SLC4A8: variants seen among roughly 807,000 people sequenced by gnomAD.
SLC4A8 encodes the protein solute carrier family 4 member 8.
In SLC4A8, 40 loss-of-function variants were observed where a neutral mutation model predicts 125.0. The observed-to-expected ratio is 0.32, with a 90% CI of 0.25 to 0.42. The LOEUF is 0.42. Ranked by LOEUF, SLC4A8 falls within the 10% of genes least tolerant of loss-of-function variation. The probability of loss-of-function intolerance (pLI) is 1.00; values close to 1 mark genes in which losing one functional copy is unlikely to be tolerated. For missense variants in SLC4A8, 863 were observed against 1,355.1 expected (o/e 0.64, Z 5.70); for synonymous variants, 456 against 476.0 (o/e 0.96, Z 0.55).
intron 1 of SLC4A8, among the ~76,000 whole-genome samples, chr12:51,410,852 C>CTTTCT (rs1197967101): frequency 5.5e-4 from 81 of 148,212 alleles, no homozygotes; most frequent in African/African-American, 8.7e-4. Flanking sequence ...TTCGAACAAT[C>CTTTCT]TTTCTTTTCT....
At chr12:51,476,083 C>G (rs1950846297) in intron 16 of SLC4A8, among the ~76,000 whole-genome samples, 1 of 152,178 alleles carries the variant, frequency 6.6e-6, no homozygotes, top group Non-Finnish European at 1.5e-5. Context: ...AGCTAAACCT[C>G]AAACATACGA....
intron 16 of SLC4A8, among the ~76,000 whole-genome samples, chr12:51,482,614 A>G (rs1462779671): frequency 2.0e-5 from 3 of 152,234 alleles, no homozygotes; most frequent in South Asian, 4.2e-4. Context: ...TCCTGACCTC[A>G]AGTGATCCAC....
rs534586672 is a variant in SLC4A8, at chr12:51,496,972, T to A, written c.2944-15T>A. On this transcript the variant is annotated splice_polypyrimidine_tract_variant and intron_variant, in intron 21 of 24. Coordinates refer to ENST00000453097, the MANE Select transcript of SLC4A8 (RefSeq NM_001039960.3). ...TAGTCCCTTTAATTCACTTTTTTTT[T>A]TAATTTTTCTTCAGGTTTTGGCCTT... 1.9e-6 allele frequency: 3 copies of A among 1,610,564 alleles called. No homozygotes were observed. The African/African-American group carries it at 4.0e-5, about 22-fold the overall frequency.
intron 2 of SLC4A8, among the ~76,000 whole-genome samples, chr12:51,444,866 A>G (rs922962278): frequency 1.1e-4 from 17 of 152,190 alleles, no homozygotes; most frequent in African/African-American, 4.1e-4. Context: ...CTAATATCCA[A>G]TCACTGCCTC....
rs531212115 is a variant in SLC4A8 at position 51,455,117 on chromosome 12, G to T, written c.574+1418G>T. 1.7e-3 allele frequency among the ~76,000 whole-genome samples: 242 copies of T among 141,028 alleles called. 1 individual carries two copies. The highest frequency in any genetic ancestry group is 6.1e-3 in the African/African-American group (230 of 37,476). The allele number at this position is 141,028 out of a possible 152,430, so 92.5% of individuals were successfully genotyped here. A position where few individuals can be genotyped will look rare whatever the true frequency, so the allele number is the denominator to read the frequency against. On this transcript the variant is annotated intron_variant, in intron 5 of 24. Coordinates refer to ENST00000453097, the MANE Select transcript of SLC4A8 (RefSeq NM_001039960.3). ...CAGCACACGTTTCAGAGAGCACGGG[G>T]TTGGGGGTAAGGTTATAGATTAACA...
At position 51,496,896 on chromosome 12, in the gene SLC4A8, T is replaced by G. The variant is rs529062908; in HGVS notation, c.2944-91T>G. ...TATGAGTTTGATTTTGCTTGAAATG[T>G]CCTAGTCTGCTGTGAAAATAAGGCT... On this transcript the variant is annotated intron_variant, in intron 21 of 24. Coordinates refer to ENST00000453097, the MANE Select transcript of SLC4A8 (RefSeq NM_001039960.3). 83 of 1,299,590 alleles carry G rather than the reference T, an allele frequency of 6.4e-5. 1 individual carries two copies. The African/African-American group carries it at 1.1e-3, about 17-fold the overall frequency. The allele number at this position is 1,299,590 out of a possible 1,614,324, so 80.5% of individuals were successfully genotyped here. A position where few individuals can be genotyped will look rare whatever the true frequency, so the allele number is the denominator to read the frequency against.
chr12:51,450,978 A>T lies in SLC4A8; in HGVS notation c.233A>T (p.Lys78Ile). Residue 78 changes from lysine to isoleucine, a missense_variant, in exon 3 of 25, where the codon AAA (lysine) becomes ATA (isoleucine). Around this residue, in one of 6 missense-constraint regions of SLC4A8, gnomAD observed 104 missense variants for 116.4 expected, o/e 0.89. Transcript: ENST00000453097. Reference sequence around the variant, plus strand: ...AAGCACCGGAGACGAGGGCGGGGCAAAGGAGCCAGCCAGGGGGAGGAAGGC... The same window carrying T: ...AAGCACCGGAGACGAGGGCGGGGCATAGGAGCCAGCCAGGGGGAGGAAGGC... ...GQKHRRRGRG[K>I]GASQGEEGLE... The T allele has an allele frequency of 3.2e-6, 5 of 1,580,374 alleles. No individual in the cohort carries two copies. The highest frequency in any genetic ancestry group is 2.6e-6 in the Non-Finnish European group (3 of 1,161,206).
rs1335121282 is a variant in SLC4A8, at chr12:51,457,363, A to G, written c.587A>G (p.Asp196Gly). 1.2e-6 allele frequency: 2 copies of G among 1,613,582 alleles called. No individual in the cohort carries two copies. Among genetic ancestry groups the G allele is most frequent in the Non-Finnish European group, 8.5e-7 (1 of 1,179,712 alleles). ...SIEEISDLIL[D>G]QQELSSDLND... ...GCCTGCTTTCCAGACCTGATCCTGG[A>G]TCAGCAAGAACTGTCCAGTGACCTG... The change falls in exon 6 of 25, where the codon GAT (aspartate) becomes GGT (glycine). Residue 196 changes from aspartate to glycine, a missense_variant. Coordinates refer to ENST00000453097, the MANE Select transcript of SLC4A8 (RefSeq NM_001039960.3).
chr12:51,418,559 C>G, intron 1 of SLC4A8, among the ~76,000 whole-genome samples: 1 of 152,154 alleles, frequency 6.6e-6, no homozygotes, highest in East Asian at 1.9e-4. Context: ...TTTGGTAAAT[C>G]TAGCAAATAC....
At chr12:51,407,443 T>C (rs1335563440) in intron 1 of SLC4A8, among the ~76,000 whole-genome samples, 2 of 151,880 alleles carry the variant, frequency 1.3e-5, no homozygotes, top group Non-Finnish European at 2.9e-5. Flanking sequence ...AATTTTTTTT[T>C]TTTTTGGTAG....
chr12:51,438,574 G>C (rs1382245774), intron 1 of SLC4A8, among the ~76,000 whole-genome samples: 1 of 152,158 alleles, frequency 6.6e-6, no homozygotes, highest in Non-Finnish European at 1.5e-5. Context: ...ATTATGAATA[G>C]TGCTGCGATA....
chr12:51,440,006 G>C (rs1387053373), intron 1 of SLC4A8, among the ~76,000 whole-genome samples: 1 of 152,156 alleles, frequency 6.6e-6, no homozygotes, highest in Non-Finnish European at 1.5e-5. Flanking sequence ...AAAACAAAGA[G>C]TAGAGAGCTC....
At chr12:51,392,583 AAAAG>A (rs1223947943) in intron 1 of SLC4A8, among the ~76,000 whole-genome samples, 1 of 150,792 alleles carries the variant, frequency 6.6e-6, no homozygotes, top group Non-Finnish European at 1.5e-5. Context: ...AAAAAAAAAA[AAAAG>A]AAAAAAAGAA....
chr12:51,490,086 G>C, intron 19 of SLC4A8, 135 bp downstream of exon 19: 1 of 758,146 alleles, frequency 1.3e-6, no homozygotes, highest in Admixed American at 2.8e-5. Context: ...TATTCTAGAG[G>C]GATAAGACAG....
At chr12:51,411,217 T>A (rs1427274758) in intron 1 of SLC4A8, among the ~76,000 whole-genome samples, 1 of 152,180 alleles carries the variant, frequency 6.6e-6, no homozygotes, top group Non-Finnish European at 1.5e-5. Context: ...ATTTGGTTAG[T>A]TGATGCTTTA....
At chr12:51,449,341 C>T (rs754616775) in intron 2 of SLC4A8, among the ~76,000 whole-genome samples, 2 of 151,460 alleles carry the variant, frequency 1.3e-5, no homozygotes, top group Non-Finnish European at 2.9e-5. Context: ...GGGAGGATCA[C>T]TTGAACTTGG....
At chr12:51,453,482 C>T in intron 4 of SLC4A8, 57 bp from the exon 5 acceptor site, 1 of 1,562,210 alleles carries the variant, frequency 6.4e-7, no homozygotes, top group Non-Finnish European at 8.8e-7. Context: ...CGAAGATTCT[C>T]TCTTAAAAAT....
intron 1 of SLC4A8, among the ~76,000 whole-genome samples, chr12:51,408,571 C>T (rs1282194125): frequency 1.3e-5 from 2 of 152,114 alleles, no homozygotes; most frequent in Admixed American, 6.5e-5. Context: ...GGTGGTGGAG[C>T]TTTGAGATGG....
At chr12:51,399,769 G>T (rs1291397130) in intron 1 of SLC4A8, among the ~76,000 whole-genome samples, 1 of 152,154 alleles carries the variant, frequency 6.6e-6, no homozygotes, top group East Asian at 1.9e-4. Context: ...AGATCACGAG[G>T]TCAGGAGATT....
Sources: gnomAD v4.1 joint callset for allele counts (sites outside exome capture counted in the v4.1 genomes callset) on GRCh38, gnomAD v4.1.1 for gene constraint, gnomAD v4.1.1 regional missense constraint, MANE v1.5 for transcripts, NCBI Gene and HGNC (gene_info 2026-07-23, HGNC 2026-07-21) for gene names.